The following SH3BGRL variants were observed in gnomAD, a reference collection of about 807,000 sequenced individuals.
SH3BGRL encodes the protein SH3 domain binding glutamate rich protein like.
Under a neutral mutation model 9.8 loss-of-function variants are expected in SH3BGRL, and 7 were observed. The ratio of observed to expected loss-of-function variants is 0.72; its 90% CI spans 0.41 to 1.35. The LOEUF (loss-of-function observed/expected upper bound fraction) is 1.35. SH3BGRL is among the 40% of genes most tolerant of loss of function. The pLI, the probability that SH3BGRL is intolerant of heterozygous loss-of-function variation, is 0.01. For synonymous variants in SH3BGRL, 36 were observed against 29.1 expected (o/e 1.24, Z -0.76); for missense variants, 73 against 84.4 (o/e 0.86, Z 0.53).
At chrX:81,257,641 G>T (rs2075729354) in intron 1 of SH3BGRL, among the ~76,000 whole-genome samples, 1 of 111,991 alleles carries the variant, frequency 8.9e-6, no homozygotes, top group Admixed American at 9.5e-5. Flanking sequence ...AGACCCTAGT[G>T]TGAGTCTTCT....
intron 1 of SH3BGRL, among the ~76,000 whole-genome samples, chrX:81,263,259 A>G (rs1163996347): frequency 9.0e-6 from 1 of 111,675 alleles, no homozygotes; most frequent in Non-Finnish European, 1.9e-5. Flanking sequence ...ATACTTTTAC[A>G]GAGGCAGATG....
intron 1 of SH3BGRL, among the ~76,000 whole-genome samples, chrX:81,223,391 G>T (rs1032634358): frequency 3.6e-5 from 4 of 111,122 alleles, no homozygotes; most frequent in Non-Finnish European, 7.5e-5. Context: ...GGGAAATCAA[G>T]CACCATACAA....
At chrX:81,209,978 A>G (rs1490521261) in intron 1 of SH3BGRL, among the ~76,000 whole-genome samples, 1 of 111,673 alleles carries the variant, frequency 9.0e-6, no homozygotes, top group Non-Finnish European at 1.9e-5. Context: ...GGTGGTTTCT[A>G]TGATTCTGTA....
At chrX:81,207,978 C>G (rs1018534881) in intron 1 of SH3BGRL, among the ~76,000 whole-genome samples, 1 of 111,417 alleles carries the variant, frequency 9.0e-6, no homozygotes, top group African/African-American at 3.3e-5. Context: ...TTATCTGGGC[C>G]GGGCACGGTG....
At chrX:81,211,562 G>A (rs2075564407) in intron 1 of SH3BGRL, among the ~76,000 whole-genome samples, 1 of 110,960 alleles carries the variant, frequency 9.0e-6, no homozygotes, top group Non-Finnish European at 1.9e-5. Flanking sequence ...ACTCCAGCCT[G>A]GGCTACAGAG....
chrX:81,259,363 TC>T (rs2075734444), intron 1 of SH3BGRL, among the ~76,000 whole-genome samples: 1 of 111,912 alleles, frequency 8.9e-6, no homozygotes, highest in African/African-American at 3.2e-5. Flanking sequence ...AATCATCATT[TC>T]ATAGCTCTTA....
intron 3 of SH3BGRL, among the ~76,000 whole-genome samples, chrX:81,289,527 C>T (rs1179494369): frequency 9.2e-6 from 1 of 109,037 alleles, no homozygotes; most frequent in Non-Finnish European, 1.9e-5. Flanking sequence ...ACCCATCTGA[C>T]AGGGGATCGG....
At chrX:81,229,454 G>GA (rs2075626346) in intron 1 of SH3BGRL, among the ~76,000 whole-genome samples, 1 of 111,928 alleles carries the variant, frequency 8.9e-6, no homozygotes. Context: ...TGGTGTACCA[G>GA]AAGAATCGGA....
rs964031069 is a variant in SH3BGRL at position 81,234,991 on chromosome X, G to T, written c.45+32746G>T. Reference sequence around the variant, plus strand: ...TACATGTTTTTAAATCTCATGTAATGGAACAAGCTATCATTTAATGGTGGT... The same window carrying T: ...TACATGTTTTTAAATCTCATGTAATTGAACAAGCTATCATTTAATGGTGGT... On this transcript the variant is annotated intron_variant, in intron 1 of 3. Transcript: ENST00000373212. Among the ~76,000 whole-genome samples the T allele has an allele frequency of 2.7e-5, 3 of 111,589 alleles. No individual in the cohort carries two copies. In the Admixed American group the frequency reaches 2.9e-4, roughly 11 times the overall value.
At chrX:81,257,803 G>C (rs1004841779) in intron 1 of SH3BGRL, among the ~76,000 whole-genome samples, 3 of 110,885 alleles carry the variant, frequency 2.7e-5, no homozygotes, top group African/African-American at 9.8e-5. Context: ...TGGGGAACAT[G>C]GTGGGGCCAC....
At chrX:81,213,654 C>G (rs1171559035) in intron 1 of SH3BGRL, among the ~76,000 whole-genome samples, 1 of 111,571 alleles carries the variant, frequency 9.0e-6, no homozygotes, top group Non-Finnish European at 1.9e-5. Context: ...GTTAAAAATA[C>G]TTTGTAGAAC....
At chrX:81,274,997 A>G (rs191427441) in intron 1 of SH3BGRL, among the ~76,000 whole-genome samples, 1 of 110,888 alleles carries the variant, frequency 9.0e-6, no homozygotes, top group East Asian at 2.8e-4. Context: ...CTTGGTCATT[A>G]CTCTCCAACT....
At chrX:81,229,207 G>T (rs190456341) in intron 1 of SH3BGRL, among the ~76,000 whole-genome samples, 23 of 109,887 alleles carry the variant, frequency 2.1e-4, no homozygotes, top group African/African-American at 7.3e-4. Flanking sequence ...TCACTTTTTC[G>T]GTGGCCCGCC....
chrX:81,265,744 A>C (rs2075755040), intron 1 of SH3BGRL, among the ~76,000 whole-genome samples: 1 of 112,096 alleles, frequency 8.9e-6, no homozygotes, highest in Non-Finnish European at 1.9e-5. Context: ...TGGCTGGGTC[A>C]AATGGTATTT....
At chrX:81,236,171 C>T (rs953085343) in intron 1 of SH3BGRL, among the ~76,000 whole-genome samples, 7 of 111,373 alleles carry the variant, frequency 6.3e-5, no homozygotes, top group Non-Finnish European at 1.1e-4. Context: ...TTCTTTGTAC[C>T]CCAGTGCAGA....
At chrX:81,246,599 A>C (rs2075689661) in intron 1 of SH3BGRL, among the ~76,000 whole-genome samples, 1 of 111,564 alleles carries the variant, frequency 9.0e-6, no homozygotes, top group Admixed American at 9.5e-5. Flanking sequence ...CAACTTTGTC[A>C]AAGATCAGAT....
intron 1 of SH3BGRL, among the ~76,000 whole-genome samples, chrX:81,242,650 A>G (rs759568804): frequency 2.4e-4 from 27 of 111,732 alleles, no homozygotes; most frequent in Non-Finnish European, 4.5e-4. Flanking sequence ...AGAGTAGTAG[A>G]CAATATTTGC....
In SH3BGRL at chrX:81,218,553, A is replaced by C. The variant is rs2075588588; in HGVS notation, c.45+16308A>C. Among the ~76,000 whole-genome samples the C allele has an allele frequency of 2.8e-5, 3 of 106,385 alleles. No individual in the cohort carries two copies. The Admixed American group carries it at 3.1e-4, about 11-fold the overall frequency. The allele number at this position is 106,385 out of a possible 115,157, so 92.4% of individuals were successfully genotyped here. Reference sequence around the variant, plus strand: ...AGCTTATTTTTTTTTGTTTTTGTTTACTGAGGTTAAAGATAGTACCCCAAT... The same window carrying C: ...AGCTTATTTTTTTTTGTTTTTGTTTCCTGAGGTTAAAGATAGTACCCCAAT... On this transcript the variant is annotated intron_variant, in intron 1 of 3. Transcript: ENST00000373212.
At chrX:81,253,616 A>G (rs2075717237) in intron 1 of SH3BGRL, among the ~76,000 whole-genome samples, 1 of 112,295 alleles carries the variant, frequency 8.9e-6, no homozygotes, top group South Asian at 3.7e-4. Flanking sequence ...TGGTGAAATT[A>G]CAGGTTTTAA....
Sources: allele counts gnomAD v4.1 joint callset (sites outside exome capture counted in the v4.1 genomes callset), GRCh38; gene constraint gnomAD v4.1.1; transcripts MANE v1.5; gene names NCBI Gene and HGNC (gene_info 2026-07-23, HGNC 2026-07-21).